The following XPO4 variants were observed in gnomAD, a reference collection of about 807,000 sequenced individuals.
XPO4 encodes the protein exportin 4.
In XPO4, 39 loss-of-function variants were observed where a neutral mutation model predicts 143.0. The observed-to-expected ratio is 0.27, with a 90% CI of 0.21 to 0.36. The LOEUF (loss-of-function observed/expected upper bound fraction) is 0.36. Among genes scored for constraint, XPO4 ranks in the 10% least tolerant of loss-of-function variants. XPO4 has a pLI of 1.00. For synonymous variants in XPO4, 439 were observed against 474.0 expected, an observed-to-expected ratio of 0.93 and a Z score of 0.96; for missense variants, 907 against 1,348.0, an observed-to-expected ratio of 0.67 and a Z score of 5.12.
chr13:20,818,822 C>T (rs1348780835), intron 9 of XPO4, among the ~76,000 whole-genome samples: 1 of 151,848 alleles, frequency 6.6e-6, no homozygotes, highest in African/African-American at 2.4e-5. Flanking sequence ...CTCCCCCTCC[C>T]CTTTGTTTTT....
At chr13:20,837,226 G>C (rs555624981) in intron 6 of XPO4, among the ~76,000 whole-genome samples, 90 of 152,200 alleles carry the variant, frequency 5.9e-4, no homozygotes, top group African/African-American at 2.0e-3. Context: ...TGCTTTGTAG[G>C]ATGTTTAGGA....
At chr13:20,791,045 A>G (rs2059273156) in intron 18 of XPO4, among the ~76,000 whole-genome samples, 1 of 152,120 alleles carries the variant, frequency 6.6e-6, no homozygotes, top group South Asian at 2.1e-4. Flanking sequence ...TGTTACATAA[A>G]AAAGAAAGTA....
chr13:20,834,532 C>G (rs537231390), intron 6 of XPO4, among the ~76,000 whole-genome samples: 1 of 151,640 alleles, frequency 6.6e-6, no homozygotes, highest in South Asian at 2.1e-4. Context: ...ATGATTACAC[C>G]CCTGCACTCC....
chr13:20,808,969 G>C, intron 11 of XPO4, 114 bp downstream of exon 11: 1 of 1,202,948 alleles, frequency 8.3e-7, no homozygotes, highest in Non-Finnish European at 1.2e-6. Flanking sequence ...ATTTGTTCCA[G>C]TGTGCTGGGA....
chr13:20,890,428 C>A (rs535066294), intron 1 of XPO4, among the ~76,000 whole-genome samples: 2 of 149,492 alleles, frequency 1.3e-5, no homozygotes, highest in African/African-American at 2.5e-5. Flanking sequence ...CCAGCCTGGG[C>A]AACACAGCAA....
At chr13:20,791,083 A>G (rs1470696884) in intron 18 of XPO4, among the ~76,000 whole-genome samples, 1 of 151,922 alleles carries the variant, frequency 6.6e-6, no homozygotes, top group Non-Finnish European at 1.5e-5. Context: ...CAATATGACA[A>G]AGGGTTATCA....
At chr13:20,785,300 C>T (rs1326738074) in intron 22 of XPO4, among the ~76,000 whole-genome samples, 1 of 152,154 alleles carries the variant, frequency 6.6e-6, no homozygotes, top group African/African-American at 2.4e-5. Context: ...GAGTGGCTCC[C>T]CTAATTGCCT....
chr13:20,812,508 T>C (rs1191582111), intron 9 of XPO4, among the ~76,000 whole-genome samples: 1 of 152,040 alleles, frequency 6.6e-6, no homozygotes, highest in Non-Finnish European at 1.5e-5. Context: ...GTAGGCGTCT[T>C]TACATTGGAA....
chr13:20,843,119 A>G, intron 5 of XPO4, 71 bp from the exon 6 acceptor site: 1 of 1,376,360 alleles, frequency 7.3e-7, no homozygotes, highest in Non-Finnish European at 9.8e-7. Context: ...TAGAATCATG[A>G]AACAAAACAA....
chr13:20,834,140 G>C (rs1005831936), intron 6 of XPO4, among the ~76,000 whole-genome samples: 1 of 151,968 alleles, frequency 6.6e-6, no homozygotes, highest in African/African-American at 2.4e-5. Flanking sequence ...ACTGGGTCTG[G>C]GTAGGTGGAT....
At chr13:20,793,578 G>C (rs867751415) in intron 18 of XPO4, among the ~76,000 whole-genome samples, 3 of 151,726 alleles carry the variant, frequency 2.0e-5, no homozygotes, top group Non-Finnish European at 2.9e-5. Flanking sequence ...GATTGAAACA[G>C]AGTCTGGCTC....
At chr13:20,885,891 TA>T (rs1385333622) in intron 1 of XPO4, among the ~76,000 whole-genome samples, 4 of 152,158 alleles carry the variant, frequency 2.6e-5, no homozygotes, top group African/African-American at 9.7e-5. Flanking sequence ...AAACAGAATT[TA>T]GGGCAAAATA....
Position 20,799,033 on chromosome 13 carries a change from AAAAGAAAG to A in XPO4, c.2322+124_2322+131del, listed in dbSNP as rs552508976. 2.1e-4 allele frequency: 208 copies of A among 992,402 alleles called. 2 individuals carry two copies. The Admixed American group carries it at 5.1e-3, about 24-fold the overall frequency. The allele number at this position is 992,402 out of a possible 1,614,324, so 61.5% of individuals were successfully genotyped here. ...AAGACCCTATCTCAGAAAAAAAAAA[AAAAGAAAG>A]AAAGAAAGAAAGAAAAGCTATGACT... is the stretch of plus-strand genomic sequence containing the variant. On this transcript the variant is annotated intron_variant, in intron 16 of 22. Coordinates refer to ENST00000255305, the MANE Select transcript of XPO4 (RefSeq NM_022459.5).
chr13:20,894,062 G>T (rs1291499787), intron 1 of XPO4, among the ~76,000 whole-genome samples: 1 of 151,964 alleles, frequency 6.6e-6, no homozygotes, highest in Admixed American at 6.6e-5. Flanking sequence ...GGCTGGTCTC[G>T]AACTCCCAAC....
intron 9 of XPO4, among the ~76,000 whole-genome samples, chr13:20,820,435 C>G (rs773501489): frequency 1.3e-5 from 2 of 152,168 alleles, no homozygotes; most frequent in Admixed American, 1.3e-4. Flanking sequence ...TCAACATGCT[C>G]TTTAATCCAC....
At chr13:20,791,160 T>A (rs1204066006) in intron 18 of XPO4, among the ~76,000 whole-genome samples, 3 of 151,644 alleles carry the variant, frequency 2.0e-5, no homozygotes, top group Non-Finnish European at 4.4e-5. Flanking sequence ...AACAGATAAA[T>A]TAACATCTCT....
At chr13:20,850,897 G>A (rs2060078355) in intron 4 of XPO4, 5 of 985,208 alleles carry the variant, frequency 5.1e-6, no homozygotes, top group African/African-American at 1.7e-5. Flanking sequence ...GGGAAAATTA[G>A]TTATCTAATT....
chr13:20,798,510 CTTA>C (rs2059387227), intron 16 of XPO4, among the ~76,000 whole-genome samples: 1 of 152,130 alleles, frequency 6.6e-6, no homozygotes, highest in African/African-American at 2.4e-5. Context: ...TAATCTGCAT[CTTA>C]TTCAAGACAG....
At chr13:20,827,632 A>G (rs1014228908) in intron 6 of XPO4, among the ~76,000 whole-genome samples, 3 of 152,362 alleles carry the variant, frequency 2.0e-5, no homozygotes, top group Admixed American at 6.5e-5. Flanking sequence ...TTTTTCCAGA[A>G]GAAATATATT....
Sources: gnomAD v4.1 joint callset for allele counts (sites outside exome capture counted in the v4.1 genomes callset) on GRCh38, gnomAD v4.1.1 for gene constraint, MANE v1.5 for transcripts, NCBI Gene and HGNC (gene_info 2026-07-23, HGNC 2026-07-21) for gene names.